Variants in EIF2AK3 observed in about 807,000 individuals in gnomAD.
EIF2AK3 encodes eukaryotic translation initiation factor 2-alpha kinase 3.
EIF2AK3 carries 50 observed loss-of-function variants against 113.5 expected under a neutral mutation model. The ratio of observed to expected loss-of-function variants is 0.44; its 90% CI spans 0.35 to 0.56. The LOEUF (loss-of-function observed/expected upper bound fraction) is 0.56, where lower values mean the gene tolerates loss of function less well. EIF2AK3 is among the 20% of genes least tolerant of loss of function. The pLI is 0.00. For missense variants in EIF2AK3, 1,185 were observed against 1,378.0 expected (o/e 0.86, Z 2.22); for synonymous variants, 448 against 495.4 (o/e 0.90, Z 1.27).
chr2:88,575,192 C>T lies in EIF2AK3; in HGVS notation c.2291G>A (p.Ser764Asn), dbSNP rs771151381. Residue 764 changes from serine (S) to asparagine (N), a missense_variant, in exon 13 of 17, where the codon AGT becomes AAT. Coordinates refer to ENST00000303236, the MANE Select transcript of EIF2AK3 (RefSeq NM_004836.7). The part of the protein sequence containing the change: ...SVDAAYNLQD[S>N]CLTDCDVEDG... ...TTCCACATCACAGTCTGTAAGGCAACTGTCCTGGAGGTTGTATGCTGCATC... is the reference window on the plus strand; with the variant it reads ...TTCCACATCACAGTCTGTAAGGCAATTGTCCTGGAGGTTGTATGCTGCATC... 2 of 1,613,270 alleles carry T rather than the reference C, an allele frequency of 1.2e-6. No homozygotes were observed. Among genetic ancestry groups the T allele is most frequent in the Admixed American group, 3.3e-5 (2 of 59,940 alleles).
intron 2 of EIF2AK3, among the ~76,000 whole-genome samples, chr2:88,606,176 T>C (rs1675267367): frequency 6.6e-6 from 1 of 152,110 alleles, no homozygotes; most frequent in African/African-American, 2.4e-5. Context: ...ACTACCAGAC[T>C]AGCTTTTTAA....
intron 10 of EIF2AK3, among the ~76,000 whole-genome samples, chr2:88,582,441 A>G (rs1417753927): frequency 6.6e-6 from 1 of 152,200 alleles, no homozygotes; most frequent in Non-Finnish European, 1.5e-5. Flanking sequence ...TACCAGATAT[A>G]GAATTACAAC....
At chr2:88,611,869 C>T (rs181996224) in intron 2 of EIF2AK3, among the ~76,000 whole-genome samples, 6,461 of 152,156 alleles carry the variant, frequency 0.042, 249 homozygotes, top group Non-Finnish European at 0.06. Flanking sequence ...GTGATCCGCC[C>T]GCCTCAGCCT....
At chr2:88,586,133 T>G (rs2104429974) in intron 8 of EIF2AK3, 72 bp from the exon 9 acceptor site, 2 of 1,230,396 alleles carry the variant, frequency 1.6e-6, no homozygotes, top group Non-Finnish European at 1.2e-6. Flanking sequence ...CTATTAAAAT[T>G]TATCCATTTT....
intron 2 of EIF2AK3, among the ~76,000 whole-genome samples, chr2:88,597,374 T>C (rs79189336): frequency 6.6e-6 from 1 of 152,220 alleles, no homozygotes; most frequent in East Asian, 1.9e-4. Flanking sequence ...GATTAATCTC[T>C]TTCAGTCAGA....
intron 2 of EIF2AK3, among the ~76,000 whole-genome samples, chr2:88,611,313 AAGG>A (rs1303703493): frequency 4.6e-5 from 7 of 152,096 alleles, no homozygotes; most frequent in Non-Finnish European, 8.8e-5. Context: ...TCAACCTCAG[AAGG>A]GTTACTATGA....
intron 1 of EIF2AK3, among the ~76,000 whole-genome samples, chr2:88,624,274 G>A (rs1021478850): frequency 6.6e-6 from 1 of 152,268 alleles, no homozygotes; most frequent in Non-Finnish European, 1.5e-5. Context: ...ATAACAGGCT[G>A]AGCCAATGCG....
chr2:88,564,040 T>G (rs776987830), intron 14 of EIF2AK3, among the ~76,000 whole-genome samples: 8 of 152,166 alleles, frequency 5.3e-5, no homozygotes, highest in Non-Finnish European at 8.8e-5. Flanking sequence ...AAAAAAGAAA[T>G]GTAGCCTCAT....
chr2:88,616,360 G>C (rs367608922), intron 1 of EIF2AK3, among the ~76,000 whole-genome samples: 1 of 152,016 alleles, frequency 6.6e-6, no homozygotes, highest in Non-Finnish European at 1.5e-5. Flanking sequence ...TGCATCTACC[G>C]TTCCTTCTGC....
In EIF2AK3 at chr2:88,586,208, CTTAAT is replaced by C. The variant is rs1674728572; in HGVS notation, c.1430-152_1430-148del. Reference sequence around the variant, plus strand: ...CTCTTCTTTAACGTATTTTAAACATCTTAATTTGTCTCATTTTTCTCCCGTAAATA... The same window carrying C: ...CTCTTCTTTAACGTATTTTAAACATCTTGTCTCATTTTTCTCCCGTAAATA... On this transcript the variant is annotated intron_variant, in intron 8 of 16. Transcript: ENST00000303236. 1.7e-5 allele frequency: 11 copies of C among 663,708 alleles called. No individual in the cohort carries two copies. In the Admixed American group the frequency reaches 1.7e-4, roughly 10 times the overall value. 41.1% of individuals were successfully genotyped at this position (663,708 alleles called of 1,614,324 possible).
chr2:88,596,655 C>T (rs1031068729), intron 2 of EIF2AK3, among the ~76,000 whole-genome samples: 2 of 152,080 alleles, frequency 1.3e-5, no homozygotes, highest in East Asian at 3.9e-4. Context: ...GCATACCCAT[C>T]ATGTTTGAAA....
intron 15 of EIF2AK3, 95 bp downstream of exon 15, chr2:88,562,194 G>A: frequency 1.1e-6 from 1 of 932,986 alleles, no homozygotes; most frequent in Non-Finnish European, 1.7e-6. Flanking sequence ...CCAATCTGCT[G>A]GTATTAAGAA....
chr2:88,575,373 C>T lies in EIF2AK3; in HGVS notation c.2110G>A (p.Ala704Thr), dbSNP rs1805165. The change falls in exon 13 of 17, where the codon GCT becomes ACT. Residue 704 changes from alanine (A) to threonine (T), a missense_variant. By Grantham distance (58) the Ala-to-Thr change is moderately conservative. This residue lies in a region of EIF2AK3 where 877 missense variants were observed against 1,024.2 expected (regional missense o/e 0.86). Coordinates refer to ENST00000303236, the MANE Select transcript of EIF2AK3 (RefSeq NM_004836.7). ...SVKIRRMDPF[A>T]TKEHIEIIAP... Reference sequence around the variant, plus strand: ...ATGATTTCAATATGTTCTTTTGTAGCGAAAGGATCCATTCTGCGTATTTTA... The same window carrying T: ...ATGATTTCAATATGTTCTTTTGTAGTGAAAGGATCCATTCTGCGTATTTTA... 13 of 1,613,744 alleles carry T rather than the reference C, an allele frequency of 8.1e-6. No individual in the cohort carries two copies. Among genetic ancestry groups the T allele is most frequent in the South Asian group, 5.5e-5 (5 of 91,090 alleles).
At chr2:88,559,243 A>G (rs886100863) in intron 15 of EIF2AK3, among the ~76,000 whole-genome samples, 1 of 152,200 alleles carries the variant, frequency 6.6e-6, no homozygotes, top group Non-Finnish European at 1.5e-5. Context: ...GAAAATATTT[A>G]AAAAATTTAA....
At chr2:88,599,104 G>T (rs1053226479) in intron 2 of EIF2AK3, among the ~76,000 whole-genome samples, 1 of 151,814 alleles carries the variant, frequency 6.6e-6, no homozygotes, top group East Asian at 1.9e-4. Context: ...AAAAACAAAA[G>T]AAAGGTACTC....
chr2:88,575,390 C>T lies in EIF2AK3; in HGVS notation c.2093G>A (p.Arg698His), dbSNP rs780592115. ...SPMDAPSVKIRRMDPFATKEH... is the reference protein window; with the variant it reads ...SPMDAPSVKIHRMDPFATKEH... Reference sequence around the variant, plus strand: ...TTTTGTAGCGAAAGGATCCATTCTGCGTATTTTAACTGATGGTGCATCCAT... The same window carrying T: ...TTTTGTAGCGAAAGGATCCATTCTGTGTATTTTAACTGATGGTGCATCCAT... The change falls in exon 13 of 17, where the codon CGC becomes CAC. Residue 698 changes from arginine (R) to histidine (H), a missense_variant. This residue lies in a region of EIF2AK3 where 877 missense variants were observed against 1,024.2 expected (regional missense o/e 0.86). Transcript: ENST00000303236. 4.1e-5 allele frequency: 66 copies of T among 1,612,986 alleles called. No homozygotes were observed. The highest frequency in any genetic ancestry group is 1.1e-4 in the South Asian group (10 of 91,086).
chr2:88,622,189 G>C (rs1051965602), intron 1 of EIF2AK3, among the ~76,000 whole-genome samples: 1 of 152,126 alleles, frequency 6.6e-6, no homozygotes, highest in Admixed American at 6.5e-5. Context: ...GAGCCACCAC[G>C]CCCGGCCCTA....
chr2:88,589,421 A>T (rs1458372235), intron 6 of EIF2AK3, among the ~76,000 whole-genome samples: 1 of 151,722 alleles, frequency 6.6e-6, no homozygotes, highest in Admixed American at 6.5e-5. Flanking sequence ...ATTAGATCCA[A>T]GAGTTTTCAA....
At chr2:88,609,605 G>A (rs1675379140) in intron 2 of EIF2AK3, among the ~76,000 whole-genome samples, 1 of 152,184 alleles carries the variant, frequency 6.6e-6, no homozygotes, top group Non-Finnish European at 1.5e-5. Flanking sequence ...TTCTCCACAT[G>A]CTAAAGCATG....
Sources: allele counts gnomAD v4.1 joint callset (sites outside exome capture counted in the v4.1 genomes callset), GRCh38; gene constraint gnomAD v4.1.1; regional missense constraint gnomAD v4.1.1; transcripts MANE v1.5; gene names NCBI Gene and HGNC (gene_info 2026-07-23, HGNC 2026-07-21).